The following FRMD8 variants were observed in gnomAD, a reference collection of about 807,000 sequenced individuals.
FRMD8 encodes the protein FERM domain containing 8, also known as FERM domain-containing protein 8.
A neutral mutation model predicts 54.2 loss-of-function variants in FRMD8; 37 were observed. The ratio of observed to expected loss-of-function variants is 0.68; its 90% CI spans 0.53 to 0.90. The LOEUF (loss-of-function observed/expected upper bound fraction) is 0.90, where lower values mean the gene tolerates loss of function less well. FRMD8 is among the 40% of genes least tolerant of loss of function. The pLI is 0.00. For synonymous variants in FRMD8, 246 were observed against 286.9 expected (o/e 0.86, Z 1.44); for missense variants, 585 against 653.7 (o/e 0.89, Z 1.15).
rs1413156608 is a variant in FRMD8, at chr11:65,411,291, C to G, written c.1326C>G (p.Ser442Arg). 1.9e-6 allele frequency: 3 copies of G among 1,609,704 alleles called. No homozygotes were observed. In the East Asian group the frequency reaches 6.7e-5, roughly 36 times the overall value. Reference protein sequence around the residue: ...VKPKRTTSFFSRQLSLGQGSY... With the variant: ...VKPKRTTSFFRRQLSLGQGSY... ...CGAAGCGCACCACATCCTTCTTCAG[C>G]CGGCAGCTGTCCTTGGGCCAGGGGA... The change falls in exon 11 of 11, where the codon AGC becomes AGG. Residue 442 changes from serine to arginine, a missense_variant. By Grantham distance (110) the Ser-to-Arg change is moderately radical. Coordinates refer to ENST00000317568, the MANE Select transcript of FRMD8 (RefSeq NM_031904.5).
At chr11:65,388,412 T>C (rs777177592) in intron 2 of FRMD8, among the ~76,000 whole-genome samples, 17 of 152,152 alleles carry the variant, frequency 1.1e-4, no homozygotes, top group Admixed American at 3.9e-4. Context: ...CCTTCTCTTG[T>C]GTAGATGAGA....
At chr11:65,399,907 T>C (rs1316786038) in intron 8 of FRMD8, 48 bp downstream of exon 8, 1 of 1,577,232 alleles carries the variant, frequency 6.3e-7, no homozygotes, top group Admixed American at 1.8e-5. Context: ...AGGGGGCTCC[T>C]GACTCAGGTC....
At chr11:65,377,288 C>T in the FRMD8 span, 1 of 1,406,706 alleles carries the variant, frequency 7.1e-7, no homozygotes, top group Non-Finnish European at 9.2e-7. Context: ...GCATCAGGCC[C>T]AAGAGTGAGA....
rs1330696541 is a variant in FRMD8 at position 65,404,564 on chromosome 11, C to T, written c.1072-300C>T. ...CTCTCTGCAGCAGCTGGCTCCCTAC[C>T]CCCTCCCTCCCCACCTGCTTCTGCC... is the stretch of plus-strand genomic sequence containing the variant. On this transcript the variant is annotated intron_variant, in intron 9 of 10. Coordinates refer to ENST00000317568, the MANE Select transcript of FRMD8 (RefSeq NM_031904.5). This position sits in a 1 kb window ranked among gnomAD's most constrained non-coding sequence, Gnocchi z 4.7. Among the ~76,000 whole-genome samples the T allele has an allele frequency of 6.6e-6, 1 of 151,790 alleles. No individual in the cohort carries two copies. The highest frequency in any genetic ancestry group is 2.4e-5 in the African/African-American group (1 of 41,292).
At position 65,411,404 on chromosome 11, in the gene FRMD8, C is replaced by T. The variant is rs1856329476; in HGVS notation, c.*44C>T. ...GAGGAGGGCGACTGGGGGCCCTGGC[C>T]CGGCACTGTCCTCCTGAGGGGCAGG... On this transcript the variant is annotated 3_prime_UTR_variant, in exon 11 of 11. Transcript: ENST00000317568. 7.5e-7 allele frequency: 1 copy of T among 1,327,944 alleles called. No homozygotes were observed. Among genetic ancestry groups the T allele is most frequent in the African/African-American group, 1.5e-5 (1 of 68,070 alleles). 82.3% of individuals were successfully genotyped at this position (1,327,944 alleles called of 1,614,324 possible).
At chr11:65,389,771 C>G (rs563463428) in intron 3 of FRMD8, among the ~76,000 whole-genome samples, 1 of 152,216 alleles carries the variant, frequency 6.6e-6, no homozygotes, top group South Asian at 2.1e-4. Context: ...ACGCCTGCCC[C>G]CCAGGTCGTG....
In FRMD8 at chr11:65,394,345, C is replaced by A. The variant is rs748313521; in HGVS notation, c.501C>A (p.Asp167Glu). 20 of 1,581,434 alleles carry A rather than the reference C, an allele frequency of 1.3e-5. No individual in the cohort carries two copies. The highest frequency in any genetic ancestry group is 1.7e-5 in the Non-Finnish European group (20 of 1,164,392). ...LAARYPCDVE[D>E]CEALGALVCR... ...CACGGTACCCGTGCGACGTGGAGGA[C>A]TGCGAGGCTCTGGGCGCCCTGGTGT... The change falls in exon 6 of 11, where the codon GAC becomes GAA. Residue 167 changes from aspartate to glutamate, a missense_variant. Asp to Glu is a conservative substitution (Grantham distance 45). Transcript: ENST00000317568.
chr11:65,389,773 C>A (rs75393925), intron 3 of FRMD8, among the ~76,000 whole-genome samples: 4,699 of 152,180 alleles, frequency 0.031, 283 homozygotes, highest in African/African-American at 0.11. Flanking sequence ...GCCTGCCCCC[C>A]AGGTCGTGCT....
the FRMD8 span, chr11:65,376,239 G>T: frequency 2.4e-6 from 2 of 822,902 alleles, no homozygotes; most frequent in Admixed American, 2.8e-5. Context: ...CCTGGCTTCC[G>T]GCTCCCACAG....
At chr11:65,395,255 A>G (rs1855928216) in intron 6 of FRMD8, among the ~76,000 whole-genome samples, 1 of 148,248 alleles carries the variant, frequency 6.7e-6, no homozygotes. Flanking sequence ...TTAAAAAAAA[A>G]AAAAATGCCG....
At chr11:65,368,460 C>A in the FRMD8 span, among the ~76,000 whole-genome samples, 3 of 152,296 alleles carry the variant, frequency 2.0e-5, no homozygotes, top group Middle Eastern at 0.01. Context: ...ATCCTCCCAT[C>A]CTGGCCTCCC....
intron 6 of FRMD8, among the ~76,000 whole-genome samples, chr11:65,395,697 T>G (rs1346172656): frequency 6.6e-6 from 1 of 152,226 alleles, no homozygotes; most frequent in Non-Finnish European, 1.5e-5. Context: ...CTTTCTTTTG[T>G]GAGCCTGTGC....
At chr11:65,399,121 C>T (rs1196632570) in intron 7 of FRMD8, among the ~76,000 whole-genome samples, 4 of 151,744 alleles carry the variant, frequency 2.6e-5, no homozygotes, top group Non-Finnish European at 2.9e-5. Flanking sequence ...CCTCAGCCTC[C>T]GGAGTAGCTG....
At position 65,389,516 on chromosome 11, in the gene FRMD8, T is replaced by A; in HGVS notation, c.241T>A (p.Ser81Thr). 2 of 1,587,658 alleles carry A rather than the reference T, an allele frequency of 1.3e-6. No individual in the cohort carries two copies. The change falls in exon 3 of 11, where the codon TCC becomes ACC. Residue 81 changes from serine to threonine, a missense_variant. By Grantham distance (58) the Ser-to-Thr change is moderately conservative (BLOSUM62 1). Coordinates refer to ENST00000317568, the MANE Select transcript of FRMD8 (RefSeq NM_031904.5). ...GGATGTCTTCGCGCTCTGGCTGGTCTCCCCTCTGCTGGGTAAGGCTTGGCA... is the reference window on the plus strand; with the variant it reads ...GGATGTCTTCGCGCTCTGGCTGGTCACCCCTCTGCTGGGTAAGGCTTGGCA... ...ALDVFALWLV[S>T]PLLEVQLKPK...
chr11:65,385,800 ATTT>A (rs550885962), upstream of FRMD8, among the ~76,000 whole-genome samples: 2 of 145,346 alleles, frequency 1.4e-5, no homozygotes, highest in African/African-American at 5.0e-5. Context: ...ATATATATAA[ATTT>A]TTTTTTTTTT....
chr11:65,393,589 C>T lies in FRMD8; in HGVS notation c.270C>T (p.Pro90=), dbSNP rs976112124. ...VSPLLEVQLK[P]KHQPYKLGRQ... ...GTCCTGCAGAGGTGCAGCTGAAACC[C>T]AAGCACCAGCCCTACAAGCTGGGAC... is the stretch of plus-strand genomic sequence containing the variant. Residue 90 remains proline (P), a synonymous_variant, in exon 4 of 11, where the codon CCC becomes CCT. Coordinates refer to ENST00000317568, the MANE Select transcript of FRMD8 (RefSeq NM_031904.5). 8.1e-6 allele frequency: 13 copies of T among 1,608,672 alleles called. No homozygotes were observed. In the Admixed American group the frequency reaches 2.0e-4, roughly 25 times the overall value.
Position 65,411,685 on chromosome 11 carries a change from A to C in FRMD8, c.*325A>C. On this transcript the variant is annotated 3_prime_UTR_variant, in exon 11 of 11. Transcript: ENST00000317568. ...AACATGCCTTTGTGCCCACCTCAAG[A>C]TGGGCAGTGTCCCTGTTCTGAAGTG... is the stretch of plus-strand genomic sequence containing the variant. The C allele has an allele frequency of 4.4e-6, 1 of 224,838 alleles. No individual in the cohort carries two copies. The highest frequency in any genetic ancestry group is 8.8e-6 in the Non-Finnish European group (1 of 114,114). 13.9% of individuals were successfully genotyped at this position (224,838 alleles called of 1,614,324 possible). A position where few individuals can be genotyped will look rare whatever the true frequency, so the allele number is the denominator to read the frequency against.
rs142508196 is a variant in FRMD8, at chr11:65,405,046, C to T, written c.1254C>T (p.Ser418=). 18 of 1,613,432 alleles carry T rather than the reference C, an allele frequency of 1.1e-5. No homozygotes were observed. Among genetic ancestry groups the T allele is most frequent in the Admixed American group, 1.7e-5 (1 of 60,010 alleles). The change falls in exon 10 of 11, where the codon TCC becomes TCT. Residue 418 remains serine (S), a synonymous_variant. Coordinates refer to ENST00000317568, the MANE Select transcript of FRMD8 (RefSeq NM_031904.5). The part of the protein sequence containing the change: ...SVVSSRIQHL[S]TIDYVEDGKG... Reference sequence around the variant, plus strand: ...TGTCCAGCCGGATCCAGCATCTCTCCACCATCGACTACGTGGAGGACGGTG... The same window carrying T: ...TGTCCAGCCGGATCCAGCATCTCTCTACCATCGACTACGTGGAGGACGGTG...
chr11:65,397,852 C>T (rs1229887840), intron 7 of FRMD8, among the ~76,000 whole-genome samples: 1 of 150,220 alleles, frequency 6.7e-6, no homozygotes, highest in African/African-American at 2.5e-5. Context: ...GTGTGCAGCA[C>T]CATGCCCGGG....
Sources: allele counts gnomAD v4.1 joint callset (sites outside exome capture counted in the v4.1 genomes callset), GRCh38; gene constraint gnomAD v4.1.1; non-coding constraint Gnocchi (gnomAD v3.1); transcripts MANE v1.5; gene names NCBI Gene and HGNC (gene_info 2026-07-23, HGNC 2026-07-21).